The following BCAR3 variants were observed in gnomAD, a reference collection of about 807,000 sequenced individuals.
The protein encoded by BCAR3 is BCAR3 adaptor protein, NSP family member.
BCAR3 carries 37 observed loss-of-function variants against 80.1 expected under a neutral mutation model. The observed-to-expected ratio is 0.46, with a 90% CI of 0.36 to 0.61. The LOEUF is 0.61. Ranked by LOEUF, BCAR3 falls within the 20% of genes least tolerant of loss-of-function variation. The probability of loss-of-function intolerance (pLI) is 0.00; values close to 1 mark genes in which losing one functional copy is unlikely to be tolerated. For synonymous variants in BCAR3, 389 were observed against 418.9 expected (o/e 0.93, Z 0.87); for missense variants, 978 against 1,068.2 (o/e 0.92, Z 1.18).
chr1:93,800,920 T>C (rs1653456171), intron 2 of BCAR3, among the ~76,000 whole-genome samples: 1 of 152,208 alleles, frequency 6.6e-6, no homozygotes, highest in Admixed American at 6.5e-5. Context: ...TTTGAACTGT[T>C]TGATTACGCT....
At chr1:93,608,795 A>G (rs943622277) in intron 3 of BCAR3, among the ~76,000 whole-genome samples, 3 of 152,188 alleles carry the variant, frequency 2.0e-5, no homozygotes, top group African/African-American at 7.2e-5. Flanking sequence ...AAAAAGCTAC[A>G]CTGTCCTTTC....
upstream of BCAR3, among the ~76,000 whole-genome samples, chr1:93,684,277 CTGAGTACCTACTA>C (rs1648899342): frequency 6.6e-6 from 1 of 152,176 alleles, no homozygotes; most frequent in Non-Finnish European, 1.5e-5. Flanking sequence ...TCAAAGTTCC[CTGAGTACCTACTA>C]TACAGTATCT....
At chr1:93,589,518 G>T in intron 4 of BCAR3, 99 bp from the exon 5 acceptor site, 1 of 1,011,126 alleles carries the variant, frequency 9.9e-7, no homozygotes, top group Non-Finnish European at 1.4e-6. Context: ...AGAAGACAAT[G>T]CTACTATGTC....
intron 2 of BCAR3, among the ~76,000 whole-genome samples, chr1:93,763,770 G>A (rs1176119865): frequency 6.6e-6 from 1 of 152,142 alleles, no homozygotes; most frequent in East Asian, 1.9e-4. Context: ...TGGCTTTCTG[G>A]AACATAAAGG....
chr1:93,661,801 T>C (rs987724380), intron 2 of BCAR3, among the ~76,000 whole-genome samples: 3 of 152,256 alleles, frequency 2.0e-5, no homozygotes, highest in Admixed American at 2.0e-4. Context: ...AATGTAGCTT[T>C]AAACAGAGAA....
chr1:93,607,348 T>A (rs1674800440), intron 3 of BCAR3, among the ~76,000 whole-genome samples: 1 of 152,080 alleles, frequency 6.6e-6, no homozygotes, highest in Non-Finnish European at 1.5e-5. Context: ...GACCACAGCA[T>A]GTTTCTAAGC....
At chr1:93,790,634 AT>A (rs67196746) in intron 2 of BCAR3, among the ~76,000 whole-genome samples, 35,038 of 106,998 alleles carry the variant, frequency 0.33, 5,576 homozygotes, top group East Asian at 0.56. Flanking sequence ...TTTTGTATTC[AT>A]TTTTTTTTTT....
chr1:93,632,601 T>C (rs2101899866), intron 3 of BCAR3, among the ~76,000 whole-genome samples: 1 of 152,282 alleles, frequency 6.6e-6, no homozygotes, highest in Non-Finnish European at 1.5e-5. Flanking sequence ...AGCCCCATCG[T>C]AAGTGGAGTA....
rs372772212 is a variant in BCAR3, at chr1:93,827,121, T to C, written c.-63+18446A>G. ...ACTTGAGAGGTGTTTATTGAACAAATAAAGAAATGAAAACACTTTAACTAG... is the reference window on the plus strand; with the variant it reads ...ACTTGAGAGGTGTTTATTGAACAAACAAAGAAATGAAAACACTTTAACTAG... On this transcript the variant is annotated intron_variant, in intron 2 of 13. Transcript: ENST00000370244. Among the ~76,000 whole-genome samples, 39 of 152,090 alleles carry C rather than the reference T, an allele frequency of 2.6e-4. 2 individuals carry two copies. Among genetic ancestry groups the C allele is most frequent in the Admixed American group, 1.2e-3 (19 of 15,280 alleles).
rs1301436929 is a variant in BCAR3, at chr1:93,582,485, T to C, written c.1502A>G (p.Lys501Arg). Residue 501 changes from lysine (K) to arginine (R), a missense_variant, in exon 7 of 12, where the codon AAG (lysine) becomes AGG (arginine). By Grantham distance (26) the Lys-to-Arg change is conservative. Transcript: ENST00000260502. ...AAQMEKGQWD[K>R]GEFVTPLLET... is the part of the protein sequence containing the mutation. ...CAGGAGGGGCGTCACAAACTCGCCCTTGTCCCACTGCCCCTTCTCCATCTG... is the reference window on the plus strand; with the variant it reads ...CAGGAGGGGCGTCACAAACTCGCCCCTGTCCCACTGCCCCTTCTCCATCTG... 1.9e-6 allele frequency: 3 copies of C among 1,614,182 alleles called. No homozygotes were observed. Among genetic ancestry groups the C allele is most frequent in the Non-Finnish European group, 2.5e-6 (3 of 1,180,026 alleles).
chr1:93,605,949 CTT>C (rs1339002174), intron 3 of BCAR3, among the ~76,000 whole-genome samples: 2 of 152,144 alleles, frequency 1.3e-5, no homozygotes, highest in Admixed American at 6.5e-5. Flanking sequence ...GAACAAATGA[CTT>C]TCAAATTCTC....
intron 2 of BCAR3, among the ~76,000 whole-genome samples, chr1:93,805,292 C>G (rs1178277887): frequency 1.3e-5 from 2 of 152,164 alleles, no homozygotes; most frequent in East Asian, 3.8e-4. Context: ...GTGGAGTGAG[C>G]TGCAGCTAAG....
At chr1:93,727,753 T>C (rs370775009) in intron 2 of BCAR3, among the ~76,000 whole-genome samples, 35 of 152,358 alleles carry the variant, frequency 2.3e-4, no homozygotes, top group African/African-American at 8.4e-4. Context: ...ATAATCACTT[T>C]AATATGTTGG....
intron 2 of BCAR3, among the ~76,000 whole-genome samples, chr1:93,808,584 A>C (rs987549964): frequency 1.1e-4 from 16 of 152,248 alleles, no homozygotes; most frequent in African/African-American, 3.9e-4. Context: ...AACAATGAAG[A>C]GAAATTGCAA....
intron 4 of BCAR3, among the ~76,000 whole-genome samples, chr1:93,591,259 G>A (rs1311091228): frequency 6.8e-6 from 1 of 147,772 alleles, no homozygotes; most frequent in African/African-American, 2.5e-5. Context: ...TGGATCACTT[G>A]AGGGCAGGAG....
At chr1:93,618,397 T>C (rs140320335) in intron 3 of BCAR3, among the ~76,000 whole-genome samples, 119 of 152,376 alleles carry the variant, frequency 7.8e-4, no homozygotes, top group African/African-American at 2.6e-3. Context: ...GAAGCAATAT[T>C]GATCTGCCTA....
chr1:93,606,196 TTTAAC>T (rs1674767190), intron 3 of BCAR3, among the ~76,000 whole-genome samples: 1 of 152,198 alleles, frequency 6.6e-6, no homozygotes, highest in Admixed American at 6.5e-5. Context: ...ACATATCTCA[TTTAAC>T]AAGCATTTTA....
At chr1:93,844,409 G>T (rs895935685) in intron 2 of BCAR3, among the ~76,000 whole-genome samples, 5 of 152,208 alleles carry the variant, frequency 3.3e-5, no homozygotes, top group African/African-American at 1.2e-4. Flanking sequence ...CAGCCTAATT[G>T]AAAGTGGTTA....
intron 3 of BCAR3, among the ~76,000 whole-genome samples, chr1:93,622,993 T>A (rs1675359580): frequency 6.6e-6 from 1 of 152,148 alleles, no homozygotes; most frequent in Admixed American, 6.5e-5. Flanking sequence ...TCACTTGTGA[T>A]AAGATGTGGG....
Sources: gnomAD v4.1 joint callset for allele counts (sites outside exome capture counted in the v4.1 genomes callset) on GRCh38, gnomAD v4.1.1 for gene constraint, MANE v1.5 for transcripts, NCBI Gene and HGNC (gene_info 2026-07-23, HGNC 2026-07-21) for gene names.